Variants in SHC2 observed in about 807,000 individuals in gnomAD.
SHC2 encodes the protein SHC adaptor protein 2.
In SHC2, 62 loss-of-function variants were observed where a neutral mutation model predicts 60.6. That is an observed-to-expected ratio of 1.02 (90% CI 0.83 to 1.26). The LOEUF is 1.26. SHC2 is among the 50% of genes most tolerant of loss of function. SHC2 has a pLI of 0.00. For missense variants in SHC2, 873 were observed against 822.2 expected (o/e 1.06, Z -0.76); for synonymous variants, 375 against 372.4 (o/e 1.01, Z -0.08).
chr19:431,035 C>G (rs1419797883), intron 8 of SHC2, among the ~76,000 whole-genome samples: 1 of 152,274 alleles, frequency 6.6e-6, no homozygotes, highest in Non-Finnish European at 1.5e-5. Flanking sequence ...CCGCTCTGCT[C>G]TCCCAGGCAG....
In SHC2 at chr19:453,646, G is replaced by A. The variant is rs1975256410; in HGVS notation, c.468+6883C>T. On this transcript the variant is annotated intron_variant, in intron 1 of 12. Coordinates refer to ENST00000264554, the MANE Select transcript of SHC2 (RefSeq NM_012435.3). This position sits in a 1 kb window ranked among gnomAD's most constrained non-coding sequence, Gnocchi z 6.3. Reference sequence around the variant, plus strand: ...GTCAACTGGCCACACCTGACCCCTCGCCTTCAAGGAAAAGCTGCATTTGGA... The same window carrying A: ...GTCAACTGGCCACACCTGACCCCTCACCTTCAAGGAAAAGCTGCATTTGGA... 1.3e-5 allele frequency among the ~76,000 whole-genome samples: 2 copies of A among 152,104 alleles called. No homozygotes were observed. The highest frequency in any genetic ancestry group is 6.5e-5 in the Admixed American group (1 of 15,278).
intron 1 of SHC2, among the ~76,000 whole-genome samples, chr19:455,206 G>A (rs1600327491): frequency 6.6e-6 from 1 of 152,170 alleles, no homozygotes; most frequent in African/African-American, 2.4e-5. Flanking sequence ...CGCCGACCCC[G>A]GGTTCTTCTC....
chr19:423,739 C>T (rs938427813), intron 10 of SHC2, among the ~76,000 whole-genome samples: 6 of 152,268 alleles, frequency 3.9e-5, no homozygotes, highest in Non-Finnish European at 7.3e-5. Flanking sequence ...AGCATGTTCA[C>T]CTCCCCCTCC....
At chr19:434,243 A>G (rs1471251583) in intron 8 of SHC2, among the ~76,000 whole-genome samples, 1 of 112,078 alleles carries the variant, frequency 8.9e-6, no homozygotes, top group African/African-American at 3.4e-5. Context: ...TGAGATCCTG[A>G]GTGAGATCAT....
intron 1 of SHC2, among the ~76,000 whole-genome samples, chr19:457,878 G>C (rs554623092): frequency 6.6e-6 from 1 of 152,258 alleles, no homozygotes; most frequent in Non-Finnish European, 1.5e-5. Flanking sequence ...GGCGAGGGCG[G>C]CCCGATGCCA....
intron 1 of SHC2, among the ~76,000 whole-genome samples, chr19:458,791 G>A (rs976663327): frequency 6.9e-6 from 1 of 144,808 alleles, no homozygotes; most frequent in African/African-American, 2.8e-5. Context: ...GGAGGCGGAA[G>A]CGGGTCCTGG....
At chr19:436,718 C>T in intron 4 of SHC2, 35 bp from the exon 5 acceptor site, 1 of 1,589,540 alleles carries the variant, frequency 6.3e-7, no homozygotes, top group Admixed American at 1.7e-5. Flanking sequence ...GTCATGGGGG[C>T]CCCGCTTCGA....
intron 9 of SHC2, among the ~76,000 whole-genome samples, chr19:428,583 G>A (rs971062579): frequency 6.6e-6 from 1 of 152,206 alleles, no homozygotes; most frequent in African/African-American, 2.4e-5. Flanking sequence ...GAACTGGCTT[G>A]AATATCCGTT....
In SHC2 at chr19:439,002, C is replaced by G. The variant is rs758448724; in HGVS notation, c.568G>C (p.Val190Leu). The change falls in exon 3 of 13, where the codon GTG becomes CTG. Residue 190 changes from valine to leucine, a missense_variant. Physicochemically the swap from Val to Leu is conservative, Grantham distance 32. Coordinates refer to ENST00000264554, the MANE Select transcript of SHC2 (RefSeq NM_012435.3). ...TTCCAGGATCCCCGGACGCCAGGCA[C>G]GGCCTCATGGAGCCGGTTGATGGCT... ...REAINRLHEA[V>L]PGVRGSWKKK... The G allele has an allele frequency of 6.3e-7, 1 of 1,597,784 alleles. No individual in the cohort carries two copies. The highest frequency in any genetic ancestry group is 1.7e-5 in the Admixed American group (1 of 58,336).
intron 12 of SHC2, among the ~76,000 whole-genome samples, chr19:418,294 AG>A (rs1470334911): frequency 6.6e-6 from 1 of 152,214 alleles, no homozygotes; most frequent in African/African-American, 2.4e-5. Context: ...AGCACGCCGC[AG>A]GGGTCCACAA....
intron 9 of SHC2, among the ~76,000 whole-genome samples, chr19:427,850 A>C (rs981227749): frequency 8.3e-6 from 1 of 120,576 alleles, no homozygotes; most frequent in Non-Finnish European, 1.7e-5. Flanking sequence ...CACACGGCAC[A>C]GGGAAGGGGG....
intron 1 of SHC2, among the ~76,000 whole-genome samples, chr19:451,840 GC>G (rs1289812606): frequency 6.6e-6 from 1 of 152,186 alleles, no homozygotes; most frequent in East Asian, 1.9e-4. Context: ...CAGGTGATCA[GC>G]CCGCCTCTGC....
Position 424,424 on chromosome 19 carries a change from G to A in SHC2, c.1309+673C>T, listed in dbSNP as rs537130464. On this transcript the variant is annotated intron_variant, in intron 10 of 12. Coordinates refer to ENST00000264554, the MANE Select transcript of SHC2 (RefSeq NM_012435.3). The surrounding 1 kb of genome is among the most constrained non-coding windows in gnomAD (Gnocchi z 4.5). The stretch of plus-strand genomic sequence containing the variant: ...AAGAATCCTCAGACCCCGGAGTCAC[G>A]TGAAGAGAAAACTCATCAGACTAGG... Among the ~76,000 whole-genome samples the A allele has an allele frequency of 2.0e-5, 3 of 152,090 alleles. No homozygotes were observed. The highest frequency in any genetic ancestry group is 2.1e-4 in the South Asian group (1 of 4,814).
intron 1 of SHC2, among the ~76,000 whole-genome samples, chr19:459,490 C>T (rs1975485891): frequency 6.8e-6 from 1 of 147,956 alleles, no homozygotes; most frequent in Admixed American, 6.7e-5. Flanking sequence ...GGGAAGGACC[C>T]CACTGAACCC....
intron 10 of SHC2, among the ~76,000 whole-genome samples, chr19:423,779 G>T (rs563408215): frequency 1.3e-5 from 2 of 152,220 alleles, no homozygotes; most frequent in African/African-American, 4.8e-5. Context: ...GGACGAGCAC[G>T]TGGCGAATCA....
intron 8 of SHC2, 137 bp from the exon 9 acceptor site, chr19:430,884 G>T: frequency 1.3e-6 from 1 of 756,458 alleles, no homozygotes; most frequent in Non-Finnish European, 2.2e-6. Flanking sequence ...CCCTCCCATT[G>T]CTCTCTCACT....
intron 1 of SHC2, among the ~76,000 whole-genome samples, chr19:449,082 C>T (rs1975114654): frequency 6.6e-6 from 1 of 151,910 alleles, no homozygotes; most frequent in South Asian, 2.1e-4. Flanking sequence ...GCAGGAGAAT[C>T]GCTTGAACGC....
At position 436,301 on chromosome 19, in the gene SHC2, C is replaced by T. The variant is rs187069265; in HGVS notation, c.827-10G>A. 12 of 1,587,992 alleles carry T rather than the reference C, an allele frequency of 7.6e-6. No individual in the cohort carries two copies. Among genetic ancestry groups the T allele is most frequent in the African/African-American group, 2.7e-5 (2 of 74,332 alleles). On this transcript the variant is annotated splice_polypyrimidine_tract_variant and intron_variant, in intron 6 of 12. Transcript: ENST00000264554. ...TCCAGGATGTGGCAGGCTGCGGGCA[C>T]GTTGGTCATGCAGCCTCCGAGCCAC...
intron 8 of SHC2, among the ~76,000 whole-genome samples, chr19:433,608 C>T (rs865842391): frequency 2.4e-5 from 1 of 41,248 alleles, no homozygotes; most frequent in Admixed American, 2.8e-4. Context: ...TAGAGGAGGC[C>T]GGGCAGATAG....
Sources: gnomAD v4.1 joint callset for allele counts (sites outside exome capture counted in the v4.1 genomes callset) on GRCh38, gnomAD v4.1.1 for gene constraint, Gnocchi (gnomAD v3.1) non-coding constraint, MANE v1.5 for transcripts, NCBI Gene and HGNC (gene_info 2026-07-23, HGNC 2026-07-21) for gene names.